TDRP: variants seen among roughly 807,000 people sequenced by gnomAD.
TDRP encodes the protein testis development-related protein.
A neutral mutation model predicts 10.5 loss-of-function variants in TDRP; 12 were observed. The ratio of observed to expected loss-of-function variants is 1.15; its 90% CI spans 0.73 to 1.86. TDRP has a LOEUF of 1.86. Among genes scored for constraint, TDRP ranks in the 40% most tolerant of loss-of-function variants. The pLI is 0.00. For synonymous variants in TDRP, 139 were observed against 95.4 expected (o/e 1.46, Z -2.67); for missense variants, 353 against 229.2 (o/e 1.54, Z -3.49).
chr8:528,835 G>A (rs1409545328), intron 1 of TDRP, among the ~76,000 whole-genome samples: 1 of 149,872 alleles, frequency 6.7e-6, no homozygotes, highest in African/African-American at 2.5e-5. Context: ...GTGTATATAT[G>A]TGTGTGTATA....
At chr8:506,232 G>T (rs530372976) in intron 1 of TDRP, among the ~76,000 whole-genome samples, 3 of 152,334 alleles carry the variant, frequency 2.0e-5, no homozygotes, top group South Asian at 2.1e-4. Context: ...CATAGTAAGT[G>T]AAGAAATATC....
At chr8:507,497 C>T (rs528288238) in intron 1 of TDRP, among the ~76,000 whole-genome samples, 1 of 152,108 alleles carries the variant, frequency 6.6e-6, no homozygotes, top group Non-Finnish European at 1.5e-5. Flanking sequence ...TTAAACCATA[C>T]AGCAATCAGC....
chr8:515,131 A>G (rs1801723576), intron 1 of TDRP, among the ~76,000 whole-genome samples: 1 of 152,164 alleles, frequency 6.6e-6, no homozygotes, highest in Non-Finnish European at 1.5e-5. Context: ...AAGTTCACCA[A>G]AGAGAAGACG....
chr8:519,113 C>T (rs555162030), intron 1 of TDRP, among the ~76,000 whole-genome samples: 81 of 152,208 alleles, frequency 5.3e-4, no homozygotes, highest in African/African-American at 1.9e-3. Context: ...CACCAATGGC[C>T]AAAGATTTAA....
intron 1 of TDRP, among the ~76,000 whole-genome samples, chr8:538,054 A>G (rs1315833705): frequency 3.3e-5 from 5 of 152,248 alleles, no homozygotes; most frequent in Non-Finnish European, 5.9e-5. Flanking sequence ...CCACTGATAA[A>G]GAAAAAGCTT....
chr8:516,249 G>A (rs1004856558), intron 1 of TDRP, among the ~76,000 whole-genome samples: 2 of 152,122 alleles, frequency 1.3e-5, no homozygotes, highest in Non-Finnish European at 2.9e-5. Context: ...CCCCAAGTGA[G>A]CTACTATCAC....
Position 491,627 on chromosome 8 carries a change from A to C in TDRP, c.*772T>G. ...ATAATGAGCAAGACAATGTTTCCTA[A>C]ATGAAATTATCAACTGACTAAAATT... On this transcript the variant is annotated 3_prime_UTR_variant, in exon 3 of 3. Transcript: ENST00000324079. The C allele has an allele frequency of 6.5e-7, 1 of 1,531,758 alleles. No homozygotes were observed. The highest frequency in any genetic ancestry group is 1.7e-4 in the Middle Eastern group (1 of 5,960). The allele number at this position is 1,531,758 out of a possible 1,614,324, so 94.9% of individuals were successfully genotyped here. A position where few individuals can be genotyped will look rare whatever the true frequency, so the allele number is the denominator to read the frequency against.
At chr8:524,589 A>G (rs916336043) in intron 1 of TDRP, among the ~76,000 whole-genome samples, 17 of 152,232 alleles carry the variant, frequency 1.1e-4, no homozygotes, top group South Asian at 2.1e-4. Context: ...GGAGATTGAA[A>G]TAAGTGTTCT....
At position 491,370 on chromosome 8, in the gene TDRP, C is replaced by T. The variant is rs551856780; in HGVS notation, c.*1029G>A. The T allele has an allele frequency of 7.0e-5, 26 of 373,078 alleles. No individual in the cohort carries two copies. Among genetic ancestry groups the T allele is most frequent in the Middle Eastern group, 6.5e-4 (1 of 1,536 alleles). The allele number at this position is 373,078 out of a possible 1,614,324, so 23.1% of individuals were successfully genotyped here. A position where few individuals can be genotyped will look rare whatever the true frequency, so the allele number is the denominator to read the frequency against. On this transcript the variant is annotated 3_prime_UTR_variant, in exon 3 of 3. Transcript: ENST00000324079. ...CTGATAAGAGCCAACCTTCCAGGGA[C>T]GCATAACTGGCACCTGATACTGTGC...
chr8:528,473 A>G (rs1010195254), intron 1 of TDRP, among the ~76,000 whole-genome samples: 3 of 132,882 alleles, frequency 2.3e-5, no homozygotes, highest in African/African-American at 7.8e-5. Context: ...TATATATTGC[A>G]GCACTGTTCA....
At chr8:509,060 C>G (rs777956106) in intron 1 of TDRP, among the ~76,000 whole-genome samples, 5 of 152,242 alleles carry the variant, frequency 3.3e-5, no homozygotes, top group African/African-American at 1.2e-4. Flanking sequence ...ACAACCAGCT[C>G]GTGCTGATGC....
intron 1 of TDRP, among the ~76,000 whole-genome samples, chr8:519,142 T>C (rs1170318629): frequency 5.3e-5 from 8 of 152,180 alleles, no homozygotes; most frequent in Admixed American, 5.2e-4. Flanking sequence ...GCCTAGGGAA[T>C]GAAACCTCCA....
At chr8:534,326 G>T (rs143343949) in intron 1 of TDRP, among the ~76,000 whole-genome samples, 2 of 152,194 alleles carry the variant, frequency 1.3e-5, no homozygotes, top group Non-Finnish European at 2.9e-5. Context: ...GCTGTTAAGG[G>T]AAACACAAGG....
At chr8:529,871 T>C (rs898940334) in intron 1 of TDRP, among the ~76,000 whole-genome samples, 2 of 152,200 alleles carry the variant, frequency 1.3e-5, no homozygotes, top group African/African-American at 4.8e-5. Flanking sequence ...TTCTTTGGTT[T>C]CTTCCTACAT....
rs1209502474 is a variant in TDRP at position 491,657 on chromosome 8, C to T, written c.*742G>A. 1 of 1,526,444 alleles carries T rather than the reference C, an allele frequency of 6.6e-7. No individual in the cohort carries two copies. Among genetic ancestry groups the T allele is most frequent in the Non-Finnish European group, 8.7e-7 (1 of 1,143,664 alleles). 94.6% of individuals were successfully genotyped at this position (1,526,444 alleles called of 1,614,324 possible). On this transcript the variant is annotated 3_prime_UTR_variant, in exon 3 of 3. Transcript: ENST00000324079. ...AATTATCAACTGACTAAAATTGATC[C>T]ATACTTCTTTAATCTGTAAACAAAA...
chr8:542,875 A>AG (rs1802535821), intron 1 of TDRP, among the ~76,000 whole-genome samples: 2 of 151,400 alleles, frequency 1.3e-5, no homozygotes, highest in South Asian at 4.2e-4. Context: ...AAAAAAAAAA[A>AG]GTATAGATGA....
At position 496,978 on chromosome 8, in the gene TDRP, C is replaced by A. The variant is rs192306381; in HGVS notation, c.109-2381G>T. On this transcript the variant is annotated intron_variant, in intron 1 of 2. Coordinates refer to ENST00000324079, the MANE Select transcript of TDRP (RefSeq NM_001384899.1). ...TGACTGTAAGTTTCCTAGGCCTCCC[C>A]AGCCATACAGAACTGTAAGTCAACC... is the stretch of plus-strand genomic sequence containing the variant. Among the ~76,000 whole-genome samples the A allele has an allele frequency of 2.8e-4, 42 of 152,324 alleles. No homozygotes were observed. In the East Asian group the frequency reaches 3.7e-3, roughly 13 times the overall value.
chr8:535,696 A>T (rs1029194676), intron 1 of TDRP, among the ~76,000 whole-genome samples: 23 of 147,982 alleles, frequency 1.6e-4, no homozygotes, highest in African/African-American at 5.7e-4. Flanking sequence ...AGGGCCTCCC[A>T]CCATATGGAC....
chr8:543,156 T>C (rs1802543921), intron 1 of TDRP, among the ~76,000 whole-genome samples: 1 of 151,924 alleles, frequency 6.6e-6, no homozygotes, highest in Non-Finnish European at 1.5e-5. Flanking sequence ...AAAACGGTTT[T>C]TTAAAATTAG....
Sources: gnomAD v4.1 joint callset for allele counts (sites outside exome capture counted in the v4.1 genomes callset) on GRCh38, gnomAD v4.1.1 for gene constraint, MANE v1.5 for transcripts, NCBI Gene and HGNC (gene_info 2026-07-23, HGNC 2026-07-21) for gene names.